SLC4A4: variants seen among roughly 807,000 people sequenced by gnomAD.
SLC4A4 encodes solute carrier family 4 member 4, also known as electrogenic sodium bicarbonate cotransporter 1.
In SLC4A4, 27 loss-of-function variants were observed where a neutral mutation model predicts 111.5. That is an observed-to-expected ratio of 0.24 (90% CI 0.18 to 0.33). The LOEUF is 0.33. SLC4A4 is among the 10% of genes least tolerant of loss of function. SLC4A4 has a pLI of 1.00. For missense variants in SLC4A4, 909 were observed against 1,315.5 expected (o/e 0.69, Z 4.78); for synonymous variants, 443 against 463.4 (o/e 0.96, Z 0.57).
chr4:71,203,424 A>G (rs1486590644), intron 1 of SLC4A4, among the ~76,000 whole-genome samples: 6 of 152,146 alleles, frequency 3.9e-5, no homozygotes, highest in Non-Finnish European at 5.9e-5. Flanking sequence ...TTGTGTCCAA[A>G]ATGGGTGTAG....
intron 2 of SLC4A4, among the ~76,000 whole-genome samples, chr4:71,122,249 G>A (rs9990591): frequency 0.029 from 4,317 of 148,372 alleles, 80 homozygotes; most frequent in Middle Eastern, 0.059. Flanking sequence ...GGAGACAGAG[G>A]TTGCAGTGAG....
intron 6 of SLC4A4, among the ~76,000 whole-genome samples, chr4:71,381,310 G>T (rs1396182402): frequency 1.3e-5 from 2 of 152,158 alleles, no homozygotes; most frequent in Non-Finnish European, 2.9e-5. Flanking sequence ...TTTCAAGGTT[G>T]AATTATTTCT....
intron 3 of SLC4A4, among the ~76,000 whole-genome samples, chr4:71,304,682 G>T (rs962241106): frequency 3.3e-5 from 5 of 152,332 alleles, no homozygotes; most frequent in African/African-American, 1.2e-4. Context: ...AAGTAAGCCA[G>T]CTATGATTAA....
At chr4:71,497,364 A>C in intron 15 of SLC4A4, 137 bp from the exon 16 acceptor site, 1 of 700,946 alleles carries the variant, frequency 1.4e-6, no homozygotes, top group Non-Finnish European at 2.5e-6. Flanking sequence ...CACCTCATCA[A>C]GTTTCACCCT....
intron 2 of SLC4A4, among the ~76,000 whole-genome samples, chr4:71,252,441 AC>A (rs1302074774): frequency 6.6e-6 from 1 of 152,302 alleles, no homozygotes; most frequent in East Asian, 1.9e-4. Flanking sequence ...GGTTTGCTTA[AC>A]CATGGAACTA....
intron 11 of SLC4A4, among the ~76,000 whole-genome samples, chr4:71,452,389 T>C (rs1560521056): frequency 6.6e-6 from 1 of 152,212 alleles, no homozygotes; most frequent in Admixed American, 6.5e-5. Context: ...AGAATATATT[T>C]CATTCTTTTA....
At chr4:71,243,409 A>G (rs1720400749) in intron 2 of SLC4A4, among the ~76,000 whole-genome samples, 1 of 152,206 alleles carries the variant, frequency 6.6e-6, no homozygotes. Context: ...GAGATTAGAA[A>G]TCATTGGGAG....
intron 7 of SLC4A4, among the ~76,000 whole-genome samples, chr4:71,427,511 A>G (rs972531441): frequency 6.6e-6 from 1 of 152,106 alleles, no homozygotes; most frequent in Admixed American, 6.6e-5. Context: ...TCTGATAACC[A>G]TAGTATATAA....
chr4:71,356,529 C>A (rs1419571229), intron 5 of SLC4A4, among the ~76,000 whole-genome samples: 1 of 152,082 alleles, frequency 6.6e-6, no homozygotes, highest in Non-Finnish European at 1.5e-5. Flanking sequence ...TACTGTTTCC[C>A]TTGACTGTAT....
At chr4:71,315,273 G>A (rs1257562709) in intron 3 of SLC4A4, among the ~76,000 whole-genome samples, 7 of 152,150 alleles carry the variant, frequency 4.6e-5, no homozygotes, top group Admixed American at 4.6e-4. Flanking sequence ...CCTGTCCAGA[G>A]TTACTCTCCT....
intron 6 of SLC4A4, among the ~76,000 whole-genome samples, chr4:71,381,709 G>C (rs138635098): frequency 5.8e-4 from 88 of 152,238 alleles, no homozygotes; most frequent in African/African-American, 2.0e-3. Flanking sequence ...CTATCTTAGA[G>C]AGCTACCAGT....
At chr4:71,121,181 TG>T (rs1321907810) in intron 2 of SLC4A4, among the ~76,000 whole-genome samples, 1 of 152,142 alleles carries the variant, frequency 6.6e-6, no homozygotes, top group Non-Finnish European at 1.5e-5. Flanking sequence ...TCTCAGGACC[TG>T]CAGCCTGCCA....
intron 7 of SLC4A4, among the ~76,000 whole-genome samples, chr4:71,414,294 TAGAGGGCCTAAGGCCTGAAGCACC>T (rs1486773501): frequency 6.6e-6 from 1 of 152,102 alleles, no homozygotes; most frequent in East Asian, 1.9e-4. Flanking sequence ...AACAGTGAAG[TAGAGGGCCTAAGGCCTGAAGCACC>T]AGCCCTGAGC....
chr4:71,357,178 C>G lies in SLC4A4; in HGVS notation c.721C>G (p.Pro241Ala). 1 of 1,614,028 alleles carries G rather than the reference C, an allele frequency of 6.2e-7. No homozygotes were observed. Among genetic ancestry groups the G allele is most frequent in the Non-Finnish European group, 8.5e-7 (1 of 1,179,976 alleles). Residue 241 changes from proline (P) to alanine (A), a missense_variant, in exon 6 of 26, where the codon CCT becomes GCT. Transcript: ENST00000264485. Reference protein sequence around the residue: ...VSSASRMFTNPDNGSPAMTHR... With the variant: ...VSSASRMFTNADNGSPAMTHR... Reference sequence around the variant, plus strand: ...CAGTGCAAGTAGGATGTTTACCAACCCTGATAATGGTAATGCAGAGGCCAG... The same window carrying G: ...CAGTGCAAGTAGGATGTTTACCAACGCTGATAATGGTAATGCAGAGGCCAG...
intron 1 of SLC4A4, among the ~76,000 whole-genome samples, chr4:71,086,217 G>T (rs2148937385): frequency 6.6e-6 from 1 of 151,758 alleles, no homozygotes; most frequent in East Asian, 1.9e-4. Flanking sequence ...TCTGTTATTG[G>T]TGTATAAGAA....
At chr4:71,468,724 C>A (rs1158602352) in intron 13 of SLC4A4, among the ~76,000 whole-genome samples, 2 of 80,582 alleles carry the variant, frequency 2.5e-5, no homozygotes, top group Non-Finnish European at 5.3e-5. Flanking sequence ...TAGACTCATT[C>A]CATGCTCCAT....
chr4:71,413,843 C>G (rs1579045263), intron 7 of SLC4A4, among the ~76,000 whole-genome samples: 2 of 152,116 alleles, frequency 1.3e-5, no homozygotes, highest in East Asian at 3.9e-4. Flanking sequence ...TGAAATGCAT[C>G]TGGAGAAGGG....
At chr4:71,140,591 T>TGC (rs1398704621) in intron 2 of SLC4A4, among the ~76,000 whole-genome samples, 1 of 152,198 alleles carries the variant, frequency 6.6e-6, no homozygotes, top group African/African-American at 2.4e-5. Context: ...AAAGCTGCTC[T>TGC]GCCCCAACCC....
In SLC4A4 at chr4:71,440,653, C is replaced by T; in HGVS notation, c.845C>T (p.Ala282Val). Reference protein sequence around the residue: ...NKFMKKLPRDAEASNVLVGEV... With the variant: ...NKFMKKLPRDVEASNVLVGEV... ...TTCATGAAAAAATTGCCACGTGATG[C>T]AGAAGCTTCCAACGTGCTTGTTGGG... is the stretch of plus-strand genomic sequence containing the variant. Residue 282 changes from alanine to valine, a missense_variant, in exon 8 of 26, where the codon GCA becomes GTA. Around this residue, in one of 7 missense-constraint regions of SLC4A4, gnomAD observed 312 missense variants for 402.0 expected, o/e 0.78. Transcript: ENST00000264485. The T allele has an allele frequency of 1.2e-6, 2 of 1,614,098 alleles. No individual in the cohort carries two copies. The highest frequency in any genetic ancestry group is 1.7e-6 in the Non-Finnish European group (2 of 1,179,978).
Sources: allele counts gnomAD v4.1 joint callset (sites outside exome capture counted in the v4.1 genomes callset), GRCh38; gene constraint gnomAD v4.1.1; regional missense constraint gnomAD v4.1.1; transcripts MANE v1.5; gene names NCBI Gene and HGNC (gene_info 2026-07-23, HGNC 2026-07-21).